HMGB1: variants seen among roughly 807,000 people sequenced by gnomAD.
HMGB1 encodes high mobility group protein B1.
For synonymous variants in HMGB1, 81 were observed against 84.0 expected, an observed-to-expected ratio of 0.96 and a Z score of 0.19; for missense variants, 79 against 253.5, an observed-to-expected ratio of 0.31 and a Z score of 4.67.
At chr13:30,526,903 A>G (rs1888380242) in intron 1 of HMGB1, among the ~76,000 whole-genome samples, 1 of 152,232 alleles carries the variant, frequency 6.6e-6, no homozygotes, top group African/African-American at 2.4e-5. Context: ...CTCAGATCAC[A>G]ATCAGCCTGA....
At chr13:30,521,831 C>A (rs1316052554) in intron 1 of HMGB1, among the ~76,000 whole-genome samples, 1 of 152,200 alleles carries the variant, frequency 6.6e-6, no homozygotes, top group South Asian at 2.1e-4. Flanking sequence ...TACAATCCTA[C>A]CAGCAGTATA....
chr13:30,464,274 G>C, intron 1 of HMGB1: 7 of 985,554 alleles, frequency 7.1e-6, no homozygotes, highest in Non-Finnish European at 8.4e-6. Flanking sequence ...GTGCCACCGC[G>C]AGGCAGCCTC....
intron 1 of HMGB1, among the ~76,000 whole-genome samples, chr13:30,577,924 C>A (rs1290699273): frequency 6.6e-6 from 1 of 152,178 alleles, no homozygotes; most frequent in Non-Finnish European, 1.5e-5. Flanking sequence ...GGATAAAGTC[C>A]AAGCTTCCTT....
rs1164342472 is a variant in HMGB1, at chr13:30,464,787, G to GTGTGTGTGTA, written c.-15+1008_-15+1009insTACACACACA. 19 of 229,116 alleles carry GTGTGTGTGTA rather than the reference G, an allele frequency of 8.3e-5. No individual in the cohort carries two copies. In the South Asian group the frequency reaches 2.6e-3, roughly 32 times the overall value. 14.2% of individuals were successfully genotyped at this position (229,116 alleles called of 1,614,324 possible). On this transcript the variant is annotated intron_variant, in intron 1 of 4. Transcript: ENST00000341423. ...TGTGTGTGTGTGTGTGTGTGTGTGT[G>GTGTGTGTGTA]TATGAGAGAGTGTGTGAGTGCGAGG...
intron 1 of HMGB1, among the ~76,000 whole-genome samples, chr13:30,494,925 A>G (rs1769732786): frequency 1.3e-5 from 2 of 152,238 alleles, no homozygotes; most frequent in Middle Eastern, 3.4e-3. Flanking sequence ...ATCATGCAGT[A>G]TTTGTACTTC....
At chr13:30,537,858 C>T (rs539983131) in intron 1 of HMGB1, among the ~76,000 whole-genome samples, 33 of 151,890 alleles carry the variant, frequency 2.2e-4, no homozygotes, top group South Asian at 1.7e-3. Context: ...AATCTGAATT[C>T]TTCCTTCAGT....
intron 1 of HMGB1, among the ~76,000 whole-genome samples, chr13:30,502,420 A>T (rs1057301775): frequency 5.3e-5 from 8 of 152,122 alleles, no homozygotes; most frequent in Non-Finnish European, 1.2e-4. Context: ...CCCCCATCTC[A>T]GTTCCTTCCT....
chr13:30,563,358 T>C (rs1450163233), intron 1 of HMGB1, among the ~76,000 whole-genome samples: 1 of 152,134 alleles, frequency 6.6e-6, no homozygotes, highest in African/African-American at 2.4e-5. Flanking sequence ...CCTGTAATCC[T>C]GGCACTTTGG....
rs1359312625 is a variant in HMGB1 at position 30,493,469 on chromosome 13, C to T, written c.-14-29775G>A. 1.3e-5 allele frequency among the ~76,000 whole-genome samples: 2 copies of T among 152,122 alleles called. 1 individual carries two copies. The stretch of plus-strand genomic sequence containing the variant: ...AAATCTGGGGGATGACAGGAATGTT[C>T]TGAACCTTGGTTGTGGTGGGTTCAC... On this transcript the variant is annotated intron_variant, in intron 1 of 4. Transcript: ENST00000405805.
At chr13:30,518,377 A>G (rs141556607) in intron 1 of HMGB1, among the ~76,000 whole-genome samples, 207 of 152,166 alleles carry the variant, frequency 1.4e-3, no homozygotes, top group African/African-American at 4.8e-3. Context: ...GTCTTTTCCT[A>G]TTTCCCTTTG....
At chr13:30,472,516 G>A (rs1251769042) in intron 1 of HMGB1, among the ~76,000 whole-genome samples, 7 of 152,160 alleles carry the variant, frequency 4.6e-5, no homozygotes, top group Non-Finnish European at 8.8e-5. Context: ...CATGAGAATC[G>A]CTTGAACCTG....
Position 30,509,125 on chromosome 13 carries a change from T to TG in HMGB1, c.-14-45432dup, listed in dbSNP as rs535727945. Among the ~76,000 whole-genome samples, 387 of 152,148 alleles carry TG rather than the reference T, an allele frequency of 2.5e-3. 1 individual carries two copies. Among genetic ancestry groups the TG allele is most frequent in the African/African-American group, 8.7e-3 (361 of 41,496 alleles). ...TTAAAAACATGCTTTTTTGTAGAGA[T>TG]GGGGGTCTCACCATTTTGCCCAGGC... is the stretch of plus-strand genomic sequence containing the variant. On this transcript the variant is annotated intron_variant, in intron 1 of 4. Transcript: ENST00000405805.
chr13:30,463,540 C>G lies in HMGB1; in HGVS notation c.141G>C (p.Glu47Asp). ...NFSEFSKKCS[E>D]RWKTMSAKEK... The stretch of plus-strand genomic sequence containing the variant: ...TTTTAAGCCCTCTTACCTTCCACCT[C>G]TCTGAGCACTTCTTAGAAAACTCTG... Residue 47 changes from glutamate (E) to aspartate (D), a missense_variant, in exon 2 of 5, where the codon GAG becomes GAC. By Grantham distance (45) the Glu-to-Asp change is conservative. Transcript: ENST00000341423. 6.2e-7 allele frequency: 1 copy of G among 1,612,084 alleles called. No individual in the cohort carries two copies. The highest frequency in any genetic ancestry group is 8.5e-7 in the Non-Finnish European group (1 of 1,179,320).
At position 30,516,366 on chromosome 13, in the gene HMGB1, G is replaced by C. The variant is rs542133413; in HGVS notation, c.-14-52672C>G. 3.9e-5 allele frequency among the ~76,000 whole-genome samples: 6 copies of C among 152,062 alleles called. No individual in the cohort carries two copies. In the East Asian group the frequency reaches 1.2e-3, roughly 29 times the overall value. On this transcript the variant is annotated intron_variant, in intron 1 of 4. Coordinates refer to the HMGB1 transcript ENST00000405805. ...ACTTTTCACTAATTTTTTTTTACTT[G>C]AGTCAACAAATTTGAAAAGTGATTT...
chr13:30,544,897 G>C (rs944386885), intron 1 of HMGB1, among the ~76,000 whole-genome samples: 1 of 152,148 alleles, frequency 6.6e-6, no homozygotes, highest in African/African-American at 2.4e-5. Context: ...GAGAACTGGC[G>C]CTTACTGTGC....
At chr13:30,593,132 G>T (rs1478224122) in intron 1 of HMGB1, among the ~76,000 whole-genome samples, 1 of 152,148 alleles carries the variant, frequency 6.6e-6, no homozygotes, top group African/African-American at 2.4e-5. Flanking sequence ...TTTTTTCTTT[G>T]CAGATAGATG....
intron 1 of HMGB1, among the ~76,000 whole-genome samples, chr13:30,614,458 A>T (rs1950541669): frequency 6.6e-6 from 1 of 152,238 alleles, no homozygotes; most frequent in Non-Finnish European, 1.5e-5. Flanking sequence ...AGACCTTAAA[A>T]ATTCAGTGAC....
chr13:30,473,569 G>A (rs1052415533), intron 1 of HMGB1, among the ~76,000 whole-genome samples: 4 of 151,992 alleles, frequency 2.6e-5, no homozygotes, highest in Non-Finnish European at 5.9e-5. Flanking sequence ...ACACACCCAC[G>A]CAGATGGCTA....
chr13:30,540,290 A>T (rs1016355823), intron 1 of HMGB1: 1 of 165,546 alleles, frequency 6.0e-6, no homozygotes, highest in African/African-American at 2.4e-5. Context: ...TTCACCTAGC[A>T]GGAGCAAATG....
Sources: allele counts gnomAD v4.1 joint callset (sites outside exome capture counted in the v4.1 genomes callset), GRCh38; gene constraint gnomAD v4.1.1; transcripts MANE v1.5; gene names NCBI Gene and HGNC (gene_info 2026-07-23, HGNC 2026-07-21).